SLC47A1: variants seen among roughly 807,000 people sequenced by gnomAD.
SLC47A1 encodes multidrug and toxin extrusion protein 1.
In SLC47A1, 58 loss-of-function variants were observed where a neutral mutation model predicts 65.8. The observed-to-expected ratio is 0.88, with a 90% CI of 0.71 to 1.10. The LOEUF (loss-of-function observed/expected upper bound fraction) is 1.10, where lower values mean the gene tolerates loss of function less well. Ranked by LOEUF, SLC47A1 falls within the 50% of genes least tolerant of loss-of-function variation. The pLI, the probability that SLC47A1 is intolerant of heterozygous loss-of-function variation, is 0.00. For missense variants in SLC47A1, 706 were observed against 719.2 expected (o/e 0.98, Z 0.21); for synonymous variants, 285 against 295.0 (o/e 0.97, Z 0.35).
At chr17:19,537,957 C>G (rs1173238233) in intron 1 of SLC47A1, among the ~76,000 whole-genome samples, 1 of 152,232 alleles carries the variant, frequency 6.6e-6, no homozygotes, top group Non-Finnish European at 1.5e-5. Flanking sequence ...CCCCCAGAAA[C>G]CTTCTCTGAA....
intron 1 of SLC47A1, among the ~76,000 whole-genome samples, chr17:19,537,677 T>C (rs1255101647): frequency 1.3e-5 from 2 of 152,212 alleles, no homozygotes; most frequent in African/African-American, 4.8e-5. Flanking sequence ...GCTCTCATGC[T>C]CCAAATGGAG....
intron 1 of SLC47A1, among the ~76,000 whole-genome samples, chr17:19,537,376 G>A (rs1011789085): frequency 6.6e-6 from 1 of 152,226 alleles, no homozygotes; most frequent in Non-Finnish European, 1.5e-5. Flanking sequence ...AGGCAATGGG[G>A]AAGATATTGA....
Position 19,577,589 on chromosome 17 carries a change from T to C in SLC47A1, c.*36T>C. 1 of 1,612,278 alleles carries C rather than the reference T, an allele frequency of 6.2e-7. No individual in the cohort carries two copies. The highest frequency in any genetic ancestry group is 1.3e-5 in the African/African-American group (1 of 74,994). ...AAGAAAGTCAGGTCAAGTGATGCTT[T>C]TGAGCTTACACACAATTCACAGGCC... On this transcript the variant is annotated 3_prime_UTR_variant, in exon 17 of 17. Transcript: ENST00000270570.
At chr17:19,561,747 C>T (rs964183192) in intron 12 of SLC47A1, among the ~76,000 whole-genome samples, 1 of 151,796 alleles carries the variant, frequency 6.6e-6, no homozygotes, top group Non-Finnish European at 1.5e-5. Flanking sequence ...ACTTAATGGG[C>T]ATTGGTAATG....
chr17:19,543,343 C>T (rs961709610), intron 2 of SLC47A1, among the ~76,000 whole-genome samples: 2 of 152,064 alleles, frequency 1.3e-5, no homozygotes, highest in Non-Finnish European at 2.9e-5. Flanking sequence ...CTCTTGACCT[C>T]AGGTGATCCA....
chr17:19,559,992 G>A (rs1187667089), intron 10 of SLC47A1, 196 bp from the exon 11 acceptor site: 5 of 560,354 alleles, frequency 8.9e-6, no homozygotes, highest in Admixed American at 6.6e-5. Context: ...TTTGTGCTAA[G>A]CATCGTAACC....
At position 19,577,976 on chromosome 17, in the gene SLC47A1, TTTTTG is replaced by T. The variant is rs780561280; in HGVS notation, c.*428_*432del. ...CTATTCACTGGGCAAATGGTATTTGTTTTTGTTTTAATTTTTTTTTTAATAGACGG... is the reference window on the plus strand; with the variant it reads ...CTATTCACTGGGCAAATGGTATTTGTTTTTAATTTTTTTTTTAATAGACGG... On this transcript the variant is annotated 3_prime_UTR_variant, in exon 17 of 17. Coordinates refer to ENST00000270570, the MANE Select transcript of SLC47A1 (RefSeq NM_018242.3). 6.9e-5 allele frequency: 89 copies of T among 1,285,128 alleles called. No homozygotes were observed. The highest frequency in any genetic ancestry group is 1.1e-4 in the East Asian group (2 of 18,040). The allele number at this position is 1,285,128 out of a possible 1,614,324, so 79.6% of individuals were successfully genotyped here. A position where few individuals can be genotyped will look rare whatever the true frequency, so the allele number is the denominator to read the frequency against.
chr17:19,549,348 G>A (rs1240797110), intron 4 of SLC47A1, among the ~76,000 whole-genome samples: 20 of 151,924 alleles, frequency 1.3e-4, no homozygotes, highest in Admixed American at 1.1e-3. Flanking sequence ...ACAGGTGGCC[G>A]CCACCACACT....
At position 19,572,851 on chromosome 17, in the gene SLC47A1, G is replaced by A. The variant is rs1253459015; in HGVS notation, c.1476G>A (p.Pro492=). ...GGAATTCTGCTCTCCCTCAGGATCC[G>A]CTTCACCCAGGTAAGATATGACTCC... ...RSGNSALPQD[P]LHPGCPENLE... Residue 492 remains proline, a synonymous_variant, in exon 16 of 17, where the codon CCG becomes CCA. Coordinates refer to ENST00000270570, the MANE Select transcript of SLC47A1 (RefSeq NM_018242.3). The A allele has an allele frequency of 5.6e-6, 9 of 1,613,904 alleles. No homozygotes were observed. Among genetic ancestry groups the A allele is most frequent in the South Asian group, 4.4e-5 (4 of 91,078 alleles).
Position 19,578,704 on chromosome 17 carries a change from C to T in SLC47A1, c.*1151C>T, listed in dbSNP as rs1401369020. On this transcript the variant is annotated 3_prime_UTR_variant, in exon 17 of 17. Coordinates refer to ENST00000270570, the MANE Select transcript of SLC47A1 (RefSeq NM_018242.3). ...GCCAGGGATAAAAGCACCTCAGGCA[C>T]ATAACATTAATCTAGTAATGTAATT... is the stretch of plus-strand genomic sequence containing the variant. The T allele has an allele frequency of 3.3e-5, 5 of 152,256 alleles. No individual in the cohort carries two copies. The highest frequency in any genetic ancestry group is 1.2e-4 in the African/African-American group (5 of 41,438). The allele number at this position is 152,256 out of a possible 1,614,324, so 9.4% of individuals were successfully genotyped here.
intron 16 of SLC47A1, among the ~76,000 whole-genome samples, chr17:19,577,123 A>G (rs1251651632): frequency 6.6e-6 from 1 of 152,082 alleles, no homozygotes; most frequent in Non-Finnish European, 1.5e-5. Context: ...CACCCAAGCC[A>G]GCGCTGGTAG....
chr17:19,553,120 C>G (rs774266925), intron 6 of SLC47A1, among the ~76,000 whole-genome samples: 1 of 151,974 alleles, frequency 6.6e-6, no homozygotes, highest in African/African-American at 2.4e-5. Flanking sequence ...ACAGGGCAAC[C>G]ATTAGCTGAG....
At chr17:19,552,736 A>G (rs988343404) in intron 6 of SLC47A1, among the ~76,000 whole-genome samples, 17 of 152,170 alleles carry the variant, frequency 1.1e-4, no homozygotes, top group Non-Finnish European at 2.5e-4. Context: ...GAAGGAAGGC[A>G]GGGGATCCTA....
At chr17:19,565,704 C>G (rs1300157772) in intron 12 of SLC47A1, among the ~76,000 whole-genome samples, 1 of 151,778 alleles carries the variant, frequency 6.6e-6, no homozygotes, top group East Asian at 1.9e-4. Flanking sequence ...TCTCAGCCTC[C>G]CCAGCAGCTG....
intron 3 of SLC47A1, among the ~76,000 whole-genome samples, chr17:19,547,200 T>C (rs1269657132): frequency 1.3e-5 from 2 of 152,098 alleles, no homozygotes; most frequent in Non-Finnish European, 2.9e-5. Flanking sequence ...TACAGGCATG[T>C]GCCACTACAC....
chr17:19,570,649 T>C (rs1349536306), intron 14 of SLC47A1, among the ~76,000 whole-genome samples: 3 of 152,214 alleles, frequency 2.0e-5, no homozygotes, highest in Non-Finnish European at 4.4e-5. Flanking sequence ...GGCAGCGATC[T>C]TGCTTCCTGC....
chr17:19,560,454 G>A lies in SLC47A1; in HGVS notation c.1067G>A (p.Ser356Asn), dbSNP rs773371787. The A allele has an allele frequency of 9.9e-6, 16 of 1,614,060 alleles. No homozygotes were observed. Among genetic ancestry groups the A allele is most frequent in the Non-Finnish European group, 1.4e-5 (16 of 1,180,056 alleles). ...FAVAFSVLLL[S>N]CKDHVGYIFT... ...GTAGCCTTCAGTGTCCTGCTGTTAA[G>A]CTGTAAGGATCACGTGGGGTACATT... is the stretch of plus-strand genomic sequence containing the variant. Residue 356 changes from serine (S) to asparagine (N), a missense_variant, in exon 12 of 17, where the codon AGC becomes AAC. Coordinates refer to ENST00000270570, the MANE Select transcript of SLC47A1 (RefSeq NM_018242.3).
intron 1 of SLC47A1, among the ~76,000 whole-genome samples, chr17:19,537,096 C>A (rs1206384217): frequency 1.3e-5 from 2 of 152,210 alleles, no homozygotes; most frequent in African/African-American, 4.8e-5. Flanking sequence ...CTGGCTGAAT[C>A]AAAACAGCAA....
In SLC47A1 at chr17:19,560,316, C is replaced by G. The variant is rs548794620; in HGVS notation, c.1030+20C>G. ...TTACAGGTGCTGAGACCCCTTTACC[C>G]GAGGCTCTTGGTGCAGTCTCTGCAT... On this transcript the variant is annotated intron_variant, in intron 11 of 16. Coordinates refer to ENST00000270570, the MANE Select transcript of SLC47A1 (RefSeq NM_018242.3). The G allele has an allele frequency of 1.9e-6, 3 of 1,608,986 alleles. No homozygotes were observed. The highest frequency in any genetic ancestry group is 3.3e-5 in the Admixed American group (2 of 59,886).
Sources: gnomAD v4.1 joint callset for allele counts (sites outside exome capture counted in the v4.1 genomes callset) on GRCh38, gnomAD v4.1.1 for gene constraint, MANE v1.5 for transcripts, NCBI Gene and HGNC (gene_info 2026-07-23, HGNC 2026-07-21) for gene names.